DST: variants seen among roughly 807,000 people sequenced by gnomAD.
The protein encoded by DST is dystonin.
DST carries 253 observed loss-of-function variants against 875.2 expected under a neutral mutation model. That is an observed-to-expected ratio of 0.29 (90% confidence interval 0.26 to 0.32). The LOEUF (loss-of-function observed/expected upper bound fraction) is 0.32. Ranked by LOEUF, DST falls within the 10% of genes least tolerant of loss-of-function variation. The probability of loss-of-function intolerance (pLI) is 1.00; values close to 1 mark genes in which losing one functional copy is unlikely to be tolerated. For missense variants in DST, 8,287 were observed against 9,111.6 expected (o/e 0.91, Z 3.68); for synonymous variants, 3,124 against 3,197.1 (o/e 0.98, Z 0.77).
chr6:56,847,224 G>A, intron 4 of DST, among the ~76,000 whole-genome samples: 1 of 152,194 alleles, frequency 6.6e-6, no homozygotes, highest in East Asian at 1.9e-4. Flanking sequence ...GGAGGCTGAA[G>A]TGGGAGGATC....
At chr6:56,636,535 A>G (rs1451258953) in intron 23 of DST, 22 bp downstream of exon 23, 1 of 1,589,514 alleles carries the variant, frequency 6.3e-7, no homozygotes, top group East Asian at 2.2e-5. Flanking sequence ...CATCTATTGA[A>G]GTTATGATTC....
intron 80 of DST, among the ~76,000 whole-genome samples, chr6:56,498,967 G>T (rs1417840900): frequency 6.6e-6 from 1 of 152,166 alleles, no homozygotes; most frequent in South Asian, 2.1e-4. Context: ...GGTTAATAAC[G>T]CTTAAATGCA....
intron 5 of DST, among the ~76,000 whole-genome samples, chr6:56,723,355 A>G (rs1024144844): frequency 1.2e-4 from 18 of 152,152 alleles, no homozygotes; most frequent in Non-Finnish European, 2.2e-4. Flanking sequence ...ACCTGAGGTC[A>G]GTGGTTCGAG....
intron 30 of DST, 78 bp from the exon 31 acceptor site, chr6:56,630,461 T>C: frequency 8.3e-7 from 1 of 1,202,668 alleles, no homozygotes; most frequent in Non-Finnish European, 1.2e-6. Context: ...AGCACCATTA[T>C]GACACATGAC....
intron 3 of DST, among the ~76,000 whole-genome samples, chr6:56,876,809 C>A (rs919843048): frequency 1.3e-5 from 2 of 152,220 alleles, no homozygotes; most frequent in African/African-American, 4.8e-5. Context: ...CTTACCCTCA[C>A]CTGCACTCTG....
intron 9 of DST, among the ~76,000 whole-genome samples, chr6:56,691,495 C>A (rs1453795044): frequency 1.3e-5 from 2 of 151,996 alleles, no homozygotes; most frequent in Non-Finnish European, 2.9e-5. Flanking sequence ...AATGACCTTG[C>A]CAAGAATGTT....
intron 4 of DST, among the ~76,000 whole-genome samples, chr6:56,747,782 A>G (rs1455997045): frequency 6.6e-6 from 1 of 152,206 alleles, no homozygotes; most frequent in Non-Finnish European, 1.5e-5. Context: ...TCATTTCTAC[A>G]TTATTTATAT....
chr6:56,799,413 T>C (rs1031953302), intron 4 of DST, among the ~76,000 whole-genome samples: 2 of 151,916 alleles, frequency 1.3e-5, no homozygotes, highest in Non-Finnish European at 2.9e-5. Context: ...AAGAAATGAA[T>C]TGATATGGCA....
chr6:56,695,101 T>G (rs1285336316), intron 9 of DST, among the ~76,000 whole-genome samples: 1 of 133,858 alleles, frequency 7.5e-6, no homozygotes, highest in African/African-American at 3.0e-5. Flanking sequence ...CACTCCAGTC[T>G]GGGCGACAGA....
At chr6:56,877,293 C>T (rs1780017470) in intron 3 of DST, among the ~76,000 whole-genome samples, 1 of 152,252 alleles carries the variant, frequency 6.6e-6, no homozygotes, top group Non-Finnish European at 1.5e-5. Flanking sequence ...TGGCTCACGC[C>T]TGTAATCCCA....
chr6:56,857,517 G>A (rs1420000107), intron 3 of DST, among the ~76,000 whole-genome samples: 1 of 152,152 alleles, frequency 6.6e-6, no homozygotes, highest in Non-Finnish European at 1.5e-5. Flanking sequence ...TGACCTGCTT[G>A]CCTTAGTCCT....
intron 3 of DST, among the ~76,000 whole-genome samples, chr6:56,865,261 CTGTGTGTGTG>C (rs35870270): frequency 3.6e-4 from 52 of 143,788 alleles, no homozygotes; most frequent in African/African-American, 8.8e-4. Context: ...CCCTAGTTTT[CTGTGTGTGTG>C]TGTGTGTGTG....
chr6:56,644,180 T>C (rs2152785275), intron 15 of DST, among the ~76,000 whole-genome samples: 1 of 152,364 alleles, frequency 6.6e-6, no homozygotes, highest in South Asian at 2.1e-4. Flanking sequence ...TCCTCTGGAA[T>C]ACTTTTCCAT....
chr6:56,703,644 C>T lies in DST; in HGVS notation c.876+4G>A, dbSNP rs1413572949. 1.0e-6 allele frequency: 1 copy of T among 976,040 alleles called. No individual in the cohort carries two copies. Among genetic ancestry groups the T allele is most frequent in the African/African-American group, 1.8e-5 (1 of 57,016 alleles). The allele number at this position is 976,040 out of a possible 1,614,324, so 60.5% of individuals were successfully genotyped here. On this transcript the variant is annotated splice_donor_region_variant and intron_variant, in intron 7 of 103. Coordinates refer to ENST00000680361, the MANE Select transcript of DST (RefSeq NM_001374736.1). Reference sequence around the variant, plus strand: ...GTTAGTCAAGTTATGGGGGCGACACCTACCCCCTTATCCTCATCCTCCACA... The same window carrying T: ...GTTAGTCAAGTTATGGGGGCGACACTTACCCCCTTATCCTCATCCTCCACA...
chr6:56,577,261 G>C (rs1318963622), intron 50 of DST, among the ~76,000 whole-genome samples: 1 of 151,996 alleles, frequency 6.6e-6, no homozygotes, highest in African/African-American at 2.4e-5. Flanking sequence ...ATGCCTCTTC[G>C]AGTAACATAA....
chr6:56,567,571 A>G (rs1236370163), intron 55 of DST, among the ~76,000 whole-genome samples: 1 of 152,192 alleles, frequency 6.6e-6, no homozygotes, highest in Non-Finnish European at 1.5e-5. Flanking sequence ...AAAAAACAAC[A>G]AAACTTCACA....
At position 56,498,067 on chromosome 6, in the gene DST, G is replaced by A; in HGVS notation, c.19897-14C>T. ...ATTTTGGAGCACCTGAAAATATAAA[G>A]ATAACACCATGTTTGCTAGTTTGTA... On this transcript the variant is annotated splice_polypyrimidine_tract_variant and intron_variant, in intron 80 of 103. Transcript: ENST00000680361. 1 of 1,604,492 alleles carries A rather than the reference G, an allele frequency of 6.2e-7. No homozygotes were observed. Among genetic ancestry groups the A allele is most frequent in the Non-Finnish European group, 8.5e-7 (1 of 1,173,880 alleles).
At chr6:56,535,324 T>A in intron 62 of DST, 32 bp from the exon 63 acceptor site, 1 of 1,546,188 alleles carries the variant, frequency 6.5e-7, no homozygotes, top group Non-Finnish European at 8.6e-7. Context: ...CACTTATTTA[T>A]TTGTTTCACA....
intron 4 of DST, among the ~76,000 whole-genome samples, chr6:56,811,473 C>T (rs888017691): frequency 1.2e-4 from 18 of 152,112 alleles, no homozygotes; most frequent in African/African-American, 4.3e-4. Flanking sequence ...CCTAACAGAA[C>T]ATGTTAAGGA....
Sources: allele counts gnomAD v4.1 joint callset (sites outside exome capture counted in the v4.1 genomes callset), GRCh38; gene constraint gnomAD v4.1.1; transcripts MANE v1.5; gene names NCBI Gene and HGNC (gene_info 2026-07-23, HGNC 2026-07-21).